Variants in FTO observed in about 807,000 individuals in gnomAD.
The protein encoded by FTO is alpha-ketoglutarate-dependent dioxygenase FTO.
FTO carries 47 observed loss-of-function variants against 63.9 expected under a neutral mutation model. The observed-to-expected ratio is 0.74, with a 90% CI of 0.58 to 0.94. The LOEUF (loss-of-function observed/expected upper bound fraction) is 0.94. FTO is among the 40% of genes least tolerant of loss of function. FTO has a pLI of 0.00. For synonymous variants in FTO, 207 were observed against 224.4 expected (o/e 0.92, Z 0.69); for missense variants, 562 against 618.1 (o/e 0.91, Z 0.96).
intron 1 of FTO, among the ~76,000 whole-genome samples, chr16:53,750,482 G>A (rs1385243868): frequency 2.0e-5 from 3 of 152,162 alleles, no homozygotes; most frequent in African/African-American, 4.8e-5. Flanking sequence ...CAGGTCATCT[G>A]CCCTCCTTGG....
rs994333428 is a variant in FTO, at chr16:53,768,719, C to T, written c.46-41421C>T. ...ATATGCATTTAATCTAGATTTGTGG[C>T]CTGCTTGGTGAGGCTGCTGCTTTTT... is the stretch of plus-strand genomic sequence containing the variant. On this transcript the variant is annotated intron_variant, in intron 1 of 8. Coordinates refer to ENST00000471389, the MANE Select transcript of FTO (RefSeq NM_001080432.3). Among the ~76,000 whole-genome samples, 6 of 152,138 alleles carry T rather than the reference C, an allele frequency of 3.9e-5. No homozygotes were observed. In the East Asian group the frequency reaches 9.7e-4, roughly 25 times the overall value.
chr16:54,014,086 G>A (rs189120082), intron 8 of FTO, among the ~76,000 whole-genome samples: 5 of 152,112 alleles, frequency 3.3e-5, no homozygotes, highest in African/African-American at 9.7e-5. Flanking sequence ...CAGGAAATGC[G>A]TTTTCCTTTG....
At chr16:53,791,029 A>T (rs1360962834) in intron 1 of FTO, among the ~76,000 whole-genome samples, 1 of 152,314 alleles carries the variant, frequency 6.6e-6, no homozygotes, top group Admixed American at 6.5e-5. Context: ...GGAAATGAGG[A>T]TTTTGAGAAA....
intron 6 of FTO, among the ~76,000 whole-genome samples, chr16:53,885,752 T>C (rs1380168703): frequency 1.3e-5 from 2 of 152,116 alleles, no homozygotes; most frequent in Non-Finnish European, 2.9e-5. Flanking sequence ...GAACCCATAT[T>C]CCTTTTTTCT....
intron 8 of FTO, among the ~76,000 whole-genome samples, chr16:53,958,109 T>C (rs959990884): frequency 6.6e-6 from 1 of 152,222 alleles, no homozygotes; most frequent in African/African-American, 2.4e-5. Flanking sequence ...AAATAGCAAC[T>C]TTTCCCAAGT....
intron 1 of FTO, among the ~76,000 whole-genome samples, chr16:53,777,147 A>C (rs1340265339): frequency 6.6e-6 from 1 of 152,162 alleles, no homozygotes; most frequent in African/African-American, 2.4e-5. Context: ...TGTGCAACAG[A>C]TCACTAGAAC....
At chr16:53,744,425 G>A (rs1368756575) in intron 1 of FTO, among the ~76,000 whole-genome samples, 1 of 152,164 alleles carries the variant, frequency 6.6e-6, no homozygotes, top group Non-Finnish European at 1.5e-5. Flanking sequence ...TAATTTAACT[G>A]TGCTTAGTAT....
At chr16:53,916,208 G>T (rs758517855) in intron 7 of FTO, among the ~76,000 whole-genome samples, 50 of 152,086 alleles carry the variant, frequency 3.3e-4, no homozygotes, top group Non-Finnish European at 6.5e-4. Context: ...TATAACTCTG[G>T]ACCTCAGAGT....
chr16:53,869,773 G>A (rs560448779), intron 4 of FTO, among the ~76,000 whole-genome samples: 14 of 152,036 alleles, frequency 9.2e-5, no homozygotes, highest in South Asian at 4.2e-4. Context: ...CTTGCATGTC[G>A]TCTACGTTGT....
chr16:54,119,090 A>G lies in FTO; in HGVS notation c.*7175A>G, dbSNP rs1375095750. 34 of 152,292 alleles carry G rather than the reference A, an allele frequency of 2.2e-4. No homozygotes were observed. The highest frequency in any genetic ancestry group is 7.7e-4 in the African/African-American group (32 of 41,560). 9.4% of individuals were successfully genotyped at this position (152,292 alleles called of 1,614,324 possible). Reference sequence around the variant, plus strand: ...CCTCTCTTGCACAAGAATAGTCTCAATGAATCATGTTAAGGCCTCTTTAGG... The same window carrying G: ...CCTCTCTTGCACAAGAATAGTCTCAGTGAATCATGTTAAGGCCTCTTTAGG... On this transcript the variant is annotated 3_prime_UTR_variant, in exon 9 of 9. Coordinates refer to ENST00000471389, the MANE Select transcript of FTO (RefSeq NM_001080432.3).
chr16:53,812,018 G>T (rs977427783), intron 2 of FTO, among the ~76,000 whole-genome samples: 1 of 152,188 alleles, frequency 6.6e-6, no homozygotes, highest in East Asian at 1.9e-4. Flanking sequence ...TCACCATGCT[G>T]CCCAGACTGG....
At chr16:54,033,967 G>A (rs1393408983) in intron 8 of FTO, 4 of 152,122 alleles carry the variant, frequency 2.6e-5, no homozygotes, top group Non-Finnish European at 5.9e-5. Context: ...GACTTATGAT[G>A]TGTTCCTTGT....
At chr16:54,104,313 CT>C (rs71146725) in intron 8 of FTO, among the ~76,000 whole-genome samples, 26,392 of 131,620 alleles carry the variant, frequency 0.2, 2,567 homozygotes, top group African/African-American at 0.3. Context: ...CCTGAGGCCT[CT>C]TTTTTTTTTT....
intron 8 of FTO, among the ~76,000 whole-genome samples, chr16:53,955,265 A>G (rs1452712931): frequency 6.6e-6 from 1 of 152,206 alleles, no homozygotes; most frequent in African/African-American, 2.4e-5. Flanking sequence ...CTGGGTATAC[A>G]AGAGTGAACA....
intron 7 of FTO, among the ~76,000 whole-genome samples, chr16:53,926,258 G>A (rs576410262): frequency 7.2e-5 from 11 of 152,122 alleles, no homozygotes; most frequent in African/African-American, 2.2e-4. Context: ...TAGTTTTTCC[G>A]ACCCCGTTCT....
Position 53,987,515 on chromosome 16 carries a change from G to A in FTO, c.1364+53406G>A, listed in dbSNP as rs149930736. Among the ~76,000 whole-genome samples, 1,033 of 151,486 alleles carry A rather than the reference G, an allele frequency of 6.8e-3. 13 individuals carry two copies. Among genetic ancestry groups the A allele is most frequent in the African/African-American group, 0.02 (840 of 41,270 alleles). The stretch of plus-strand genomic sequence containing the variant: ...GGAAAATTGCTTGAACCCAGGAGGC[G>A]GATGTTACAGTGAACCGAGATTGCG... On this transcript the variant is annotated intron_variant, in intron 8 of 8. Transcript: ENST00000471389.
At chr16:53,772,145 A>G (rs564570385) in intron 1 of FTO, among the ~76,000 whole-genome samples, 1 of 152,202 alleles carries the variant, frequency 6.6e-6, no homozygotes, top group South Asian at 2.1e-4. Context: ...TACAACAAAA[A>G]CAACTTCTTT....
chr16:53,969,455 T>TGG (rs200165789), intron 8 of FTO, among the ~76,000 whole-genome samples: 4 of 151,878 alleles, frequency 2.6e-5, no homozygotes, highest in Admixed American at 2.0e-4. Flanking sequence ...GCTTATTTTT[T>TGG]GGGGGGGGCT....
chr16:54,029,438 C>T (rs1265415475), intron 8 of FTO, among the ~76,000 whole-genome samples: 2 of 152,156 alleles, frequency 1.3e-5, no homozygotes, highest in Non-Finnish European at 2.9e-5. Flanking sequence ...AGCTTCCTTA[C>T]TTTGCCCTAG....
Sources: allele counts gnomAD v4.1 joint callset (sites outside exome capture counted in the v4.1 genomes callset), GRCh38; gene constraint gnomAD v4.1.1; transcripts MANE v1.5; gene names NCBI Gene and HGNC (gene_info 2026-07-23, HGNC 2026-07-21).